The following EDA variants were observed in gnomAD, a reference collection of about 807,000 sequenced individuals.
The protein encoded by EDA is ectodysplasin-A.
Under a neutral mutation model 23.6 loss-of-function variants are expected in EDA, and 2 were observed. The observed-to-expected ratio is 0.08, with a 90% CI of 0.03 to 0.27. The LOEUF (loss-of-function observed/expected upper bound fraction) is 0.27, where lower values mean the gene tolerates loss of function less well. Ranked by LOEUF, EDA falls within the 10% of genes least tolerant of loss-of-function variation. The pLI, the probability that EDA is intolerant of heterozygous loss-of-function variation, is 1.00. For missense variants in EDA, 229 were observed against 324.2 expected (o/e 0.71, Z 2.26); for synonymous variants, 131 against 132.0 (o/e 0.99, Z 0.05).
intron 1 of EDA, among the ~76,000 whole-genome samples, chrX:69,695,817 T>A (rs1330648812): frequency 4.5e-5 from 5 of 110,458 alleles, no homozygotes; most frequent in African/African-American, 1.3e-4. Flanking sequence ...TCAGTTTTCT[T>A]AAGTAAGCAA....
At chrX:69,957,352 G>A (rs776432481) in intron 2 of EDA, 10 of 363,771 alleles carry the variant, frequency 2.7e-5, no homozygotes, top group Admixed American at 9.0e-5. Flanking sequence ...AAAATTAGCC[G>A]GGCCTAGTCC....
intron 1 of EDA, among the ~76,000 whole-genome samples, chrX:69,739,674 A>C (rs773606177): frequency 1.4e-4 from 16 of 111,020 alleles, no homozygotes; most frequent in African/African-American, 4.9e-4. Flanking sequence ...TGGTTGCTGT[A>C]TGGCTTACCA....
intron 1 of EDA, among the ~76,000 whole-genome samples, chrX:69,843,352 G>A (rs1407884199): frequency 1.8e-5 from 2 of 111,835 alleles, no homozygotes; most frequent in African/African-American, 6.5e-5. Flanking sequence ...ATTGTTACTT[G>A]TTATGTGTGA....
In EDA at chrX:69,855,767, C is replaced by A. The variant is rs569064464; in HGVS notation, c.397-101260C>A. Among the ~76,000 whole-genome samples the A allele has an allele frequency of 8.0e-5, 9 of 111,843 alleles. No homozygotes were observed. The South Asian group carries it at 3.3e-3, about 42-fold the overall frequency. On this transcript the variant is annotated intron_variant, in intron 1 of 7. Coordinates refer to ENST00000374552, the MANE Select transcript of EDA (RefSeq NM_001399.5). ...ATAGCATGTTACCTGCAGCTTTGTT[C>A]TTTTTGCTTAAGATTGTCTTGTATA... is the stretch of plus-strand genomic sequence containing the variant.
chrX:69,891,987 T>C (rs2017940760), intron 1 of EDA, among the ~76,000 whole-genome samples: 1 of 111,977 alleles, frequency 8.9e-6, no homozygotes, highest in African/African-American at 3.2e-5. Context: ...ATTTTTCATG[T>C]GGTGATCTTT....
intron 2 of EDA, among the ~76,000 whole-genome samples, chrX:70,016,709 C>T (rs759608920): frequency 2.7e-5 from 3 of 111,444 alleles, no homozygotes; most frequent in South Asian, 3.7e-4. Context: ...CAGAATCTCT[C>T]GGGCACTGCT....
rs149866517 is a variant in EDA, at chrX:69,621,831, C to T, written c.396+5127C>T. ...TCACAGCTCACTGCAGCCATAACCT[C>T]CCAGGAACAAGCGATCTTCCAACCT... is the stretch of plus-strand genomic sequence containing the variant. On this transcript the variant is annotated intron_variant, in intron 1 of 7. Transcript: ENST00000374552. Among the ~76,000 whole-genome samples the T allele has an allele frequency of 7.0e-3, 785 of 111,407 alleles. 5 individuals are homozygous for T. Among genetic ancestry groups the T allele is most frequent in the African/African-American group, 0.024 (738 of 30,591 alleles).
intron 1 of EDA, among the ~76,000 whole-genome samples, chrX:69,812,540 T>G (rs2015985870): frequency 8.9e-6 from 1 of 111,935 alleles, no homozygotes; most frequent in Non-Finnish European, 1.9e-5. Context: ...TTGAATGAGG[T>G]GTTGAGGGTA....
intron 1 of EDA, among the ~76,000 whole-genome samples, chrX:69,842,824 G>A (rs759377592): frequency 1.8e-5 from 2 of 110,825 alleles, no homozygotes; most frequent in South Asian, 7.7e-4. Flanking sequence ...GCACCTCCCC[G>A]ACTCTCTCTC....
chrX:69,648,960 G>A (rs1216667082), intron 1 of EDA, among the ~76,000 whole-genome samples: 1 of 111,526 alleles, frequency 9.0e-6, no homozygotes, highest in Non-Finnish European at 1.9e-5. Context: ...TCCTGGGGCA[G>A]GGTCACACAA....
intron 1 of EDA, among the ~76,000 whole-genome samples, chrX:69,754,681 C>T (rs940722796): frequency 3.6e-5 from 4 of 111,756 alleles, no homozygotes; most frequent in Non-Finnish European, 5.6e-5. Flanking sequence ...CCATTCTCCC[C>T]GTCACTTTCA....
chrX:70,010,600 C>T (rs938846668), intron 2 of EDA, among the ~76,000 whole-genome samples: 5 of 111,993 alleles, frequency 4.5e-5, no homozygotes, highest in African/African-American at 1.6e-4. Context: ...AGAGCATTCA[C>T]ATTTAAATTG....
chrX:69,702,894 AT>A (rs1261445650), intron 1 of EDA, among the ~76,000 whole-genome samples: 4 of 110,989 alleles, frequency 3.6e-5, no homozygotes, highest in African/African-American at 1.3e-4. Context: ...GCCAGACTGA[AT>A]TGCAAAAAAG....
At chrX:69,785,455 G>C (rs2015126715) in intron 1 of EDA, among the ~76,000 whole-genome samples, 1 of 105,155 alleles carries the variant, frequency 9.5e-6, no homozygotes, top group Non-Finnish European at 2.0e-5. Context: ...TTATTATTTT[G>C]AGATATGTCC....
chrX:69,627,381 AT>A (rs1247443311), intron 1 of EDA, among the ~76,000 whole-genome samples: 9 of 110,643 alleles, frequency 8.1e-5, no homozygotes, highest in African/African-American at 3.0e-4. Context: ...CCTACTTAGA[AT>A]TTTTTTCAGA....
chrX:69,901,409 G>A (rs745606099), intron 1 of EDA, among the ~76,000 whole-genome samples: 1 of 112,046 alleles, frequency 8.9e-6, no homozygotes, highest in Non-Finnish European at 1.9e-5. Flanking sequence ...CATGAGCATA[G>A]CAGAGTTAAT....
chrX:69,620,582 T>G (rs1378925850), intron 1 of EDA: 5 of 147,186 alleles, frequency 3.4e-5, no homozygotes, highest in Non-Finnish European at 5.1e-5. Flanking sequence ...TACTGTGGGT[T>G]TGAATACAGA....
intron 1 of EDA, among the ~76,000 whole-genome samples, chrX:69,676,917 C>T (rs942890613): frequency 8.6e-5 from 9 of 104,364 alleles, no homozygotes; most frequent in Admixed American, 3.1e-4. Flanking sequence ...CATGCTGGTG[C>T]GCTGCACCCA....
chrX:69,748,552 T>A (rs2147384071), intron 1 of EDA, among the ~76,000 whole-genome samples: 1 of 111,659 alleles, frequency 9.0e-6, no homozygotes, highest in East Asian at 2.8e-4. Context: ...TATTATACTT[T>A]TTTTAAAAAA....
Sources: allele counts gnomAD v4.1 joint callset (sites outside exome capture counted in the v4.1 genomes callset), GRCh38; gene constraint gnomAD v4.1.1; transcripts MANE v1.5; gene names NCBI Gene and HGNC (gene_info 2026-07-23, HGNC 2026-07-21).